The following CELF2 variants were observed in gnomAD, a reference collection of about 807,000 sequenced individuals.
CELF2 encodes CUGBP Elav-like family member 2.
Under a neutral mutation model 62.6 loss-of-function variants are expected in CELF2, and 8 were observed. That is an observed-to-expected ratio of 0.13 (90% confidence interval 0.07 to 0.23). The LOEUF is 0.23. CELF2 is among the 10% of genes least tolerant of loss of function. CELF2 has a pLI of 1.00. For synonymous variants in CELF2, 258 were observed against 250.0 expected, an observed-to-expected ratio of 1.03 and a Z score of -0.30; for missense variants, 333 against 671.0, an observed-to-expected ratio of 0.50 and a Z score of 5.56.
Position 11,243,359 on chromosome 10 carries a change from CAAAAAA to C in CELF2, c.355-5782_355-5777del, listed in dbSNP as rs35245941. On this transcript the variant is annotated intron_variant, in intron 3 of 12. Transcript: ENST00000633077. This position sits in a 1 kb window ranked among gnomAD's most constrained non-coding sequence, Gnocchi z 4.1. Reference sequence around the variant, plus strand: ...GTGCGGCTTTAGGCAAAATGTTATTCAAAAAAAAAAAAAAAAAGCTTCTAAAAATTC... The same window carrying C: ...GTGCGGCTTTAGGCAAAATGTTATTCAAAAAAAAAAAGCTTCTAAAAATTC... Among the ~76,000 whole-genome samples the C allele has an allele frequency of 3.3e-5, 3 of 91,262 alleles. No individual in the cohort carries two copies. The highest frequency in any genetic ancestry group is 7.4e-5 in the Non-Finnish European group (3 of 40,670). 59.9% of individuals were successfully genotyped at this position (91,262 alleles called of 152,430 possible).
the CELF2 span, among the ~76,000 whole-genome samples, chr10:10,523,403 A>G: frequency 1.3e-5 from 2 of 152,208 alleles, no homozygotes. Context: ...ACATTCATTT[A>G]CTTCAACTTT....
Position 11,319,034 on chromosome 10 carries a change from G to GC in CELF2, c.1097-2151dup, listed in dbSNP as rs1565963708. Reference sequence around the variant, plus strand: ...CAGCCCGTCCTCGTCTGGCAGCAAGGCCCCACATGGCTCTGCAGGCTGCGA... The same window carrying GC: ...CAGCCCGTCCTCGTCTGGCAGCAAGGCCCCCACATGGCTCTGCAGGCTGCGA... On this transcript the variant is annotated intron_variant, in intron 10 of 12. Coordinates refer to ENST00000633077, the MANE Select transcript of CELF2 (RefSeq NM_001326342.2). This position sits in a 1 kb window ranked among gnomAD's most constrained non-coding sequence, Gnocchi z 4.4. The GC allele has an allele frequency of 1.3e-5, 6 of 470,966 alleles. No individual in the cohort carries two copies. Among genetic ancestry groups the GC allele is most frequent in the South Asian group, 9.3e-5 (6 of 64,564 alleles). 29.2% of individuals were successfully genotyped at this position (470,966 alleles called of 1,614,324 possible). A position where few individuals can be genotyped will look rare whatever the true frequency, so the allele number is the denominator to read the frequency against.
At chr10:10,817,760 GTAAACA>G (rs2056601984) in intron 1 of CELF2, among the ~76,000 whole-genome samples, 1 of 152,126 alleles carries the variant, frequency 6.6e-6, no homozygotes. Flanking sequence ...CTTAGCTATT[GTAAACA>G]GTGTTGCAAC....
intron 1 of CELF2, among the ~76,000 whole-genome samples, chr10:10,860,838 T>G (rs2060008674): frequency 6.6e-6 from 1 of 152,244 alleles, no homozygotes; most frequent in Admixed American, 6.5e-5. Context: ...GTTCATGGTC[T>G]GATTAGTTGA....
At chr10:10,967,700 A>G (rs1216441414) in intron 2 of CELF2, among the ~76,000 whole-genome samples, 2 of 152,142 alleles carry the variant, frequency 1.3e-5, no homozygotes, top group Non-Finnish European at 2.9e-5. Flanking sequence ...GCCACCTTCA[A>G]TCAATGGCTG....
upstream of CELF2, among the ~76,000 whole-genome samples, chr10:10,798,028 G>T (rs2054264186): frequency 6.6e-6 from 1 of 152,050 alleles, no homozygotes; most frequent in Admixed American, 6.5e-5. Flanking sequence ...TTCTCTTTAT[G>T]TTTAAAGAGA....
chr10:10,809,563 C>A (rs1279229875), intron 1 of CELF2, among the ~76,000 whole-genome samples: 1 of 152,130 alleles, frequency 6.6e-6, no homozygotes, highest in Non-Finnish European at 1.5e-5. Context: ...ACACTCTATA[C>A]CATACGACAA....
Position 11,260,241 on chromosome 10 carries a change from T to C in CELF2, c.538+2369T>C, listed in dbSNP as rs1376491326. ...TTTTCGTCTGAGCATACCCTCTGCA[T>C]GTGTTAGCGGAGAGACCCCGGGCGG... is the stretch of plus-strand genomic sequence containing the variant. On this transcript the variant is annotated intron_variant, in intron 5 of 12. Coordinates refer to ENST00000633077, the MANE Select transcript of CELF2 (RefSeq NM_001326342.2). The surrounding 1 kb of genome is among the most constrained non-coding windows in gnomAD (Gnocchi z 4.2). Among the ~76,000 whole-genome samples, 2 of 152,216 alleles carry C rather than the reference T, an allele frequency of 1.3e-5. No individual in the cohort carries two copies. Among genetic ancestry groups the C allele is most frequent in the East Asian group, 3.8e-4 (2 of 5,206 alleles).
chr10:11,124,954 C>T (rs1171935013), intron 1 of CELF2, among the ~76,000 whole-genome samples: 1 of 152,038 alleles, frequency 6.6e-6, no homozygotes, highest in Non-Finnish European at 1.5e-5. Flanking sequence ...AGTTTTCTTT[C>T]CTGGAACAAC....
chr10:10,493,812 C>G, the CELF2 span, among the ~76,000 whole-genome samples: 1 of 152,034 alleles, frequency 6.6e-6, no homozygotes, highest in Non-Finnish European at 1.5e-5. Flanking sequence ...GATTACAGGC[C>G]TGAGCCACCG....
chr10:11,140,684 T>C (rs565093519), intron 1 of CELF2, among the ~76,000 whole-genome samples: 1 of 152,166 alleles, frequency 6.6e-6, no homozygotes, highest in African/African-American at 2.4e-5. Context: ...TTTGTTAAAT[T>C]AGAACAATTT....
chr10:10,495,258 G>A, the CELF2 span, among the ~76,000 whole-genome samples: 51 of 152,226 alleles, frequency 3.4e-4, no homozygotes, highest in Non-Finnish European at 5.3e-4. Context: ...CAGCCTGGGC[G>A]ACAGAGCGAG....
the CELF2 span, among the ~76,000 whole-genome samples, chr10:10,681,086 A>T: frequency 6.6e-6 from 1 of 152,184 alleles, no homozygotes; most frequent in African/African-American, 2.4e-5. Flanking sequence ...ATTCTTATCA[A>T]ATATTAAGAA....
the CELF2 span, among the ~76,000 whole-genome samples, chr10:10,788,745 G>A: frequency 1.3e-5 from 2 of 152,266 alleles, no homozygotes; most frequent in Non-Finnish European, 2.9e-5. Context: ...TTACAGGCAT[G>A]AGCCACCCTG....
intron 3 of CELF2, among the ~76,000 whole-genome samples, chr10:11,229,598 A>ATT (rs371276816): frequency 0.073 from 10,326 of 141,564 alleles, 404 homozygotes; most frequent in Middle Eastern, 0.15. Flanking sequence ...TGGCATCAGT[A>ATT]TTTTTTTTTT....
chr10:10,687,537 A>T, the CELF2 span, among the ~76,000 whole-genome samples: 1 of 152,226 alleles, frequency 6.6e-6, no homozygotes, highest in Non-Finnish European at 1.5e-5. Context: ...ACTTCCTTGA[A>T]TAAATTACTT....
the CELF2 span, among the ~76,000 whole-genome samples, chr10:10,701,788 A>G: frequency 8.1e-4 from 124 of 152,336 alleles, 2 homozygotes; most frequent in East Asian, 0.019. Flanking sequence ...CATTTCTGCC[A>G]TCACCTCGCT....
chr10:11,005,176 C>G, upstream of CELF2: 1 of 1,429,592 alleles, frequency 7.0e-7, no homozygotes, highest in Non-Finnish European at 9.1e-7. This position sits in a 1 kb window ranked among gnomAD's most constrained non-coding sequence, Gnocchi z 4.3. Flanking sequence ...ATTATTTCTA[C>G]TTAGTGAATC....
At chr10:10,578,874 T>TCCCA in the CELF2 span, among the ~76,000 whole-genome samples, 9 of 152,204 alleles carry the variant, frequency 5.9e-5, no homozygotes, top group African/African-American at 2.2e-4. Flanking sequence ...CAATGCTTGA[T>TCCCA]ACACTTTAGG....
Sources: allele counts gnomAD v4.1 joint callset (sites outside exome capture counted in the v4.1 genomes callset), GRCh38; gene constraint gnomAD v4.1.1; non-coding constraint Gnocchi (gnomAD v3.1); transcripts MANE v1.5; gene names NCBI Gene and HGNC (gene_info 2026-07-23, HGNC 2026-07-21).